Variants in MYO3B observed in about 807,000 individuals in gnomAD.
MYO3B encodes the protein myosin IIIB.
A neutral mutation model predicts 174.6 loss-of-function variants in MYO3B; 156 were observed. That is an observed-to-expected ratio of 0.89 (90% CI 0.78 to 1.02). The LOEUF (loss-of-function observed/expected upper bound fraction) is 1.02, where lower values mean the gene tolerates loss of function less well. Among genes scored for constraint, MYO3B ranks in the 50% least tolerant of loss-of-function variants. The pLI is 0.00. For synonymous variants in MYO3B, 563 were observed against 569.1 expected (o/e 0.99, Z 0.15); for missense variants, 1,632 against 1,639.4 (o/e 1.00, Z 0.08).
chr2:170,285,474 C>T (rs1384626694), intron 7 of MYO3B, among the ~76,000 whole-genome samples: 2 of 152,140 alleles, frequency 1.3e-5, no homozygotes, highest in Non-Finnish European at 2.9e-5. Context: ...GATTCTCCTG[C>T]CTCAGCTTCC....
intron 32 of MYO3B, among the ~76,000 whole-genome samples, chr2:170,592,844 A>G (rs1385088329): frequency 6.6e-6 from 1 of 152,140 alleles, no homozygotes; most frequent in African/African-American, 2.4e-5. Flanking sequence ...CTCTCTGTCT[A>G]TCCATATAGA....
intron 12 of MYO3B, among the ~76,000 whole-genome samples, chr2:170,385,650 A>C (rs1015692559): frequency 5.3e-5 from 8 of 152,174 alleles, no homozygotes; most frequent in South Asian, 2.1e-4. Flanking sequence ...ATATGGAAGG[A>C]GGCCTCATTC....
At chr2:170,452,713 A>G (rs2105931258) in intron 23 of MYO3B, among the ~76,000 whole-genome samples, 1 of 152,348 alleles carries the variant, frequency 6.6e-6, no homozygotes, top group African/African-American at 2.4e-5. Context: ...AAAGTGTCTC[A>G]AAGAGACAGT....
intron 32 of MYO3B, among the ~76,000 whole-genome samples, chr2:170,614,485 A>G (rs1184671480): frequency 6.6e-6 from 1 of 152,134 alleles, no homozygotes; most frequent in Non-Finnish European, 1.5e-5. Flanking sequence ...ACCCATCATG[A>G]GCTGACCCTG....
At chr2:170,627,343 C>T (rs1225715230) in intron 32 of MYO3B, among the ~76,000 whole-genome samples, 4 of 152,184 alleles carry the variant, frequency 2.6e-5, no homozygotes, top group East Asian at 3.8e-4. Context: ...TTGATAGAAT[C>T]GGCTACTGAA....
intron 7 of MYO3B, among the ~76,000 whole-genome samples, chr2:170,307,239 T>C (rs894645539): frequency 2.5e-5 from 2 of 81,036 alleles, no homozygotes; most frequent in Non-Finnish European, 4.3e-5. Context: ...TGAGGCCTTA[T>C]CTCAAAAAAA....
intron 1 of MYO3B, among the ~76,000 whole-genome samples, chr2:170,186,447 C>G (rs1053308622): frequency 3.9e-5 from 6 of 152,150 alleles, no homozygotes; most frequent in Non-Finnish European, 8.8e-5. Flanking sequence ...TATGTTGAAC[C>G]ATACTTGCAT....
intron 32 of MYO3B, among the ~76,000 whole-genome samples, chr2:170,561,053 A>T (rs987579932): frequency 6.6e-6 from 1 of 152,204 alleles, no homozygotes; most frequent in Admixed American, 6.5e-5. Flanking sequence ...CCATTAAGAA[A>T]GCAAGGTACC....
intron 22 of MYO3B, among the ~76,000 whole-genome samples, chr2:170,417,277 A>C (rs1046505344): frequency 6.6e-6 from 1 of 152,076 alleles, no homozygotes; most frequent in African/African-American, 2.4e-5. Flanking sequence ...ACATACATCT[A>C]TCTCTATCCC....
At chr2:170,630,039 A>G (rs1193971019) in intron 32 of MYO3B, among the ~76,000 whole-genome samples, 1 of 152,230 alleles carries the variant, frequency 6.6e-6, no homozygotes. Flanking sequence ...TACCTGCTTC[A>G]TCTCATTGAG....
chr2:170,652,866 C>A, intron 34 of MYO3B, 117 bp from the exon 35 acceptor site: 1 of 1,117,044 alleles, frequency 9.0e-7, no homozygotes, highest in East Asian at 2.4e-5. Flanking sequence ...TGTCCTTCCC[C>A]TCCAGTGTTG....
intron 25 of MYO3B, among the ~76,000 whole-genome samples, chr2:170,469,235 A>T (rs13028497): frequency 3.9e-5 from 6 of 152,080 alleles, no homozygotes; most frequent in African/African-American, 1.5e-4. Context: ...AGTCTCCTTC[A>T]GTATATAACA....
intron 7 of MYO3B, among the ~76,000 whole-genome samples, chr2:170,294,526 T>C (rs942478136): frequency 1.3e-5 from 2 of 152,102 alleles, no homozygotes; most frequent in African/African-American, 4.8e-5. Context: ...TTTGTGTGAA[T>C]TCAATTTTAT....
At chr2:170,414,177 T>C (rs946143383) in intron 22 of MYO3B, among the ~76,000 whole-genome samples, 2 of 152,182 alleles carry the variant, frequency 1.3e-5, no homozygotes, top group East Asian at 3.8e-4. Context: ...TACCACACTA[T>C]TGCAGATTCA....
chr2:170,583,489 A>G (rs545935925), intron 32 of MYO3B, among the ~76,000 whole-genome samples: 1 of 152,248 alleles, frequency 6.6e-6, no homozygotes, highest in South Asian at 2.1e-4. Flanking sequence ...ACTTAGGGCC[A>G]CTGGTCTGTA....
intron 15 of MYO3B, 128 bp downstream of exon 15, chr2:170,391,746 TGA>T (rs2105767492): frequency 1.6e-6 from 1 of 609,076 alleles, no homozygotes; most frequent in Non-Finnish European, 2.9e-6. Flanking sequence ...GTGCCCAGGG[TGA>T]GGTGGCAGGA....
At chr2:170,469,142 AT>A (rs1429342534) in intron 25 of MYO3B, among the ~76,000 whole-genome samples, 4 of 152,144 alleles carry the variant, frequency 2.6e-5, no homozygotes, top group African/African-American at 9.7e-5. Context: ...TCTCAAAAAG[AT>A]AAAGAATAGG....
intron 32 of MYO3B, among the ~76,000 whole-genome samples, chr2:170,556,615 G>A (rs755786367): frequency 3.3e-5 from 5 of 152,062 alleles, no homozygotes; most frequent in Admixed American, 6.5e-5. Context: ...TCTGCCTCCC[G>A]GACTCAAGTG....
chr2:170,630,821 G>A (rs1696897038), intron 32 of MYO3B, among the ~76,000 whole-genome samples: 3 of 152,218 alleles, frequency 2.0e-5, no homozygotes, highest in African/African-American at 7.2e-5. Flanking sequence ...GGACCTGACT[G>A]TTAGAAGGAA....
Sources: allele counts gnomAD v4.1 joint callset (sites outside exome capture counted in the v4.1 genomes callset), GRCh38; gene constraint gnomAD v4.1.1; transcripts MANE v1.5; gene names NCBI Gene and HGNC (gene_info 2026-07-23, HGNC 2026-07-21).